The following SNX7 variants were observed in gnomAD, a reference collection of about 807,000 sequenced individuals.
The protein encoded by SNX7 is sorting nexin-7.
In SNX7, 35 loss-of-function variants were observed where a neutral mutation model predicts 48.4. The observed-to-expected ratio is 0.72, with a 90% CI of 0.55 to 0.96. SNX7 has a LOEUF of 0.96. Ranked by LOEUF, SNX7 falls within the 40% of genes least tolerant of loss-of-function variation. The pLI is 0.00. For synonymous variants in SNX7, 190 were observed against 190.2 expected, an observed-to-expected ratio of 1.00 and a Z score of 0.01; for missense variants, 553 against 548.9, an observed-to-expected ratio of 1.01 and a Z score of -0.07.
chr1:98,667,992 C>G (rs1296229058), intron 1 of SNX7, among the ~76,000 whole-genome samples: 1 of 151,712 alleles, frequency 6.6e-6, no homozygotes, highest in Non-Finnish European at 1.5e-5. Flanking sequence ...ACTTATATTT[C>G]TCTTGCAAAA....
At chr1:98,727,315 A>G (rs771540198) in intron 7 of SNX7, among the ~76,000 whole-genome samples, 6 of 152,234 alleles carry the variant, frequency 3.9e-5, no homozygotes, top group African/African-American at 7.2e-5. Flanking sequence ...AAAAACAAAC[A>G]GCAGCAACAA....
At chr1:98,722,294 A>G (rs918696618) in intron 7 of SNX7, among the ~76,000 whole-genome samples, 3 of 152,176 alleles carry the variant, frequency 2.0e-5, no homozygotes, top group African/African-American at 7.2e-5. Context: ...TATGTAAAAA[A>G]GGTACTACTT....
At chr1:98,755,975 C>G in intron 8 of SNX7, among the ~76,000 whole-genome samples, 1 of 151,984 alleles carries the variant, frequency 6.6e-6, no homozygotes. Flanking sequence ...TTTGTTCTGT[C>G]TGTACATTGT....
At chr1:98,723,352 T>C (rs1652987372) in intron 7 of SNX7, among the ~76,000 whole-genome samples, 1 of 152,104 alleles carries the variant, frequency 6.6e-6, no homozygotes, top group Non-Finnish European at 1.5e-5. Context: ...TTAAACGGTT[T>C]TTTTTCCCCA....
At chr1:98,689,260 G>A (rs965942603) in intron 2 of SNX7, among the ~76,000 whole-genome samples, 12 of 152,134 alleles carry the variant, frequency 7.9e-5, no homozygotes, top group African/African-American at 2.9e-4. Flanking sequence ...TTGCTGTAGG[G>A]AAATTAGTCT....
chr1:98,664,692 C>T (rs771666466), intron 1 of SNX7, among the ~76,000 whole-genome samples: 2 of 152,060 alleles, frequency 1.3e-5, no homozygotes, highest in Non-Finnish European at 2.9e-5. Flanking sequence ...GTGACAAACT[C>T]TAAATGGCAA....
At chr1:98,738,744 GT>G (rs1653921191) in intron 8 of SNX7, among the ~76,000 whole-genome samples, 1 of 152,132 alleles carries the variant, frequency 6.6e-6, no homozygotes, top group South Asian at 2.1e-4. Context: ...TGCTATCCCT[GT>G]CTTCTGTAGC....
intron 8 of SNX7, among the ~76,000 whole-genome samples, chr1:98,758,880 A>G (rs1025473083): frequency 1.3e-5 from 2 of 152,022 alleles, no homozygotes; most frequent in Non-Finnish European, 2.9e-5. Context: ...CAGATTTGAC[A>G]TAGTATTTCC....
At chr1:98,669,506 C>A (rs11802102) in intron 1 of SNX7, among the ~76,000 whole-genome samples, 79,416 of 152,028 alleles carry the variant, frequency 0.52, 21,134 homozygotes, top group South Asian at 0.62. Context: ...CCTTCACCCC[C>A]ACTCTCTTTC....
At chr1:98,719,658 G>A (rs1652761129) in intron 7 of SNX7, among the ~76,000 whole-genome samples, 1 of 151,464 alleles carries the variant, frequency 6.6e-6, no homozygotes, top group African/African-American at 2.4e-5. Context: ...ACTAGCAGAA[G>A]TTTCTAGTTT....
intron 8 of SNX7, among the ~76,000 whole-genome samples, chr1:98,751,003 TG>T (rs1368219978): frequency 6.6e-6 from 1 of 152,078 alleles, no homozygotes; most frequent in Non-Finnish European, 1.5e-5. Flanking sequence ...GTTTTAGTTC[TG>T]GGATGAAGCT....
chr1:98,750,729 A>G (rs1654540900), intron 8 of SNX7, among the ~76,000 whole-genome samples: 1 of 152,110 alleles, frequency 6.6e-6, no homozygotes. Context: ...AGTGTCTAAT[A>G]AGGATTCAGT....
intron 7 of SNX7, among the ~76,000 whole-genome samples, chr1:98,730,942 G>T (rs1653475265): frequency 6.6e-6 from 1 of 152,056 alleles, no homozygotes; most frequent in African/African-American, 2.4e-5. Context: ...CTTATAAATG[G>T]GAGCTGAACA....
intron 1 of SNX7, chr1:98,662,179 C>A (rs1649273611): frequency 3.0e-6 from 1 of 328,266 alleles, no homozygotes; most frequent in Admixed American, 4.9e-5. Flanking sequence ...GTGGAGTCTG[C>A]AAAGTTGTGA....
At chr1:98,699,077 A>G (rs1489806193) in intron 6 of SNX7, among the ~76,000 whole-genome samples, 172 bp downstream of exon 6, 1 of 152,212 alleles carries the variant, frequency 6.6e-6, no homozygotes, top group Non-Finnish European at 1.5e-5. Context: ...GATGAAGGAA[A>G]GAATCCGTTG....
At chr1:98,748,075 C>G (rs537447202) in intron 8 of SNX7, among the ~76,000 whole-genome samples, 1 of 150,026 alleles carries the variant, frequency 6.7e-6, no homozygotes, top group South Asian at 2.1e-4. Context: ...CTCCCAGGTT[C>G]AAGCGATTCT....
chr1:98,748,879 A>G (rs943819195), intron 8 of SNX7, among the ~76,000 whole-genome samples: 1 of 152,128 alleles, frequency 6.6e-6, no homozygotes, highest in Non-Finnish European at 1.5e-5. Flanking sequence ...TTAGGAGAAT[A>G]AAACTGGAAC....
At chr1:98,758,259 CT>C (rs949166275) in intron 8 of SNX7, among the ~76,000 whole-genome samples, 2 of 151,848 alleles carry the variant, frequency 1.3e-5, no homozygotes, top group African/African-American at 4.8e-5. Context: ...TCTTTTATGC[CT>C]TTTCATGAGT....
At chr1:98,689,870 C>G (rs933406232) in intron 2 of SNX7, among the ~76,000 whole-genome samples, 4 of 152,076 alleles carry the variant, frequency 2.6e-5, no homozygotes, top group African/African-American at 9.7e-5. Context: ...TACCATGTTG[C>G]ATAATAGTTA....
Sources: allele counts gnomAD v4.1 joint callset (sites outside exome capture counted in the v4.1 genomes callset), GRCh38; gene constraint gnomAD v4.1.1; transcripts MANE v1.5; gene names NCBI Gene and HGNC (gene_info 2026-07-23, HGNC 2026-07-21).